GNG7: variants seen among roughly 807,000 people sequenced by gnomAD.
The protein encoded by GNG7 is G protein subunit gamma 7.
GNG7 carries 1 observed loss-of-function variant against 4.0 expected under a neutral mutation model. The ratio of observed to expected loss-of-function variants is 0.25; its 90% confidence interval spans 0.09 to 1.18. The LOEUF (loss-of-function observed/expected upper bound fraction) is 1.18. Among genes scored for constraint, GNG7 ranks in the 50% most tolerant of loss-of-function variants. The pLI is 0.50. For synonymous variants in GNG7, 34 were observed against 36.9 expected (o/e 0.92, Z 0.29); for missense variants, 86 against 91.9 (o/e 0.94, Z 0.26).
chr19:2,657,364 ATATATATAT>A lies in GNG7; in HGVS notation c.-134-11093_-134-11085del, dbSNP rs1568276414. ...AAAAAAAAAAAAAAAAAAAAAAAAT[ATATATATAT>A]ATATATATATATATATATATATATA... On this transcript the variant is annotated intron_variant, in intron 1 of 4. Transcript: ENST00000382159. 2.0e-3 allele frequency among the ~76,000 whole-genome samples: 35 copies of A among 17,426 alleles called. 4 individuals carry two copies. Among genetic ancestry groups the A allele is most frequent in the East Asian group, 0.01 (3 of 298 alleles). 11.4% of individuals were successfully genotyped at this position (17,426 alleles called of 152,430 possible). A position where few individuals can be genotyped will look rare whatever the true frequency, so the allele number is the denominator to read the frequency against.
At chr19:2,605,698 G>A (rs1981360372) in intron 2 of GNG7, among the ~76,000 whole-genome samples, 1 of 151,406 alleles carries the variant, frequency 6.6e-6, no homozygotes, top group Non-Finnish European at 1.5e-5. Context: ...ATTTTTAGTA[G>A]AGACGGGGTT....
chr19:2,563,532 T>G (rs1489687938), intron 2 of GNG7, among the ~76,000 whole-genome samples: 1 of 152,078 alleles, frequency 6.6e-6, no homozygotes, highest in African/African-American at 2.4e-5. Flanking sequence ...CAGGCTGGAG[T>G]GCAGTGGCAC....
intron 3 of GNG7, among the ~76,000 whole-genome samples, chr19:2,528,293 C>G (rs1034290761): frequency 3.9e-5 from 5 of 129,642 alleles, no homozygotes; most frequent in African/African-American, 6.0e-5. Context: ...AAAAAAAAGG[C>G]CTGGCTCAGT....
intron 1 of GNG7, among the ~76,000 whole-genome samples, chr19:2,661,670 TAAA>T (rs57483197): frequency 1.8e-5 from 2 of 108,654 alleles, no homozygotes; most frequent in African/African-American, 3.5e-5. Context: ...GAGACTCCAT[TAAA>T]AAAAAAAAAA....
At chr19:2,518,900 A>G (rs1457389357) in intron 4 of GNG7, among the ~76,000 whole-genome samples, 1 of 151,912 alleles carries the variant, frequency 6.6e-6, no homozygotes, top group Non-Finnish European at 1.5e-5. Context: ...GGTTCAAGCT[A>G]TTCTCCTGAC....
intron 1 of GNG7, among the ~76,000 whole-genome samples, chr19:2,680,453 T>C (rs1025196772): frequency 2.0e-5 from 3 of 152,160 alleles, no homozygotes; most frequent in African/African-American, 7.2e-5. Context: ...CCCAGCCACC[T>C]GTCTCTATTT....
intron 2 of GNG7, among the ~76,000 whole-genome samples, chr19:2,635,192 T>C (rs886536538): frequency 6.6e-6 from 1 of 151,986 alleles, no homozygotes; most frequent in African/African-American, 2.4e-5. Flanking sequence ...CCCAGATGAG[T>C]GAGGACAGAG....
chr19:2,701,602 C>G (rs1482961314), intron 1 of GNG7, among the ~76,000 whole-genome samples: 1 of 151,132 alleles, frequency 6.6e-6, no homozygotes, highest in African/African-American at 2.4e-5. Context: ...TCACACCCCC[C>G]CATCTTCACC....
intron 2 of GNG7, among the ~76,000 whole-genome samples, chr19:2,645,208 TTTTC>T (rs1225363049): frequency 2.6e-5 from 4 of 151,062 alleles, no homozygotes; most frequent in Admixed American, 6.6e-5. Context: ...TCTTTTCTGT[TTTTC>T]TTTCTTTCTT....
At chr19:2,577,898 G>T (rs1980391089) in intron 2 of GNG7, among the ~76,000 whole-genome samples, 1 of 148,314 alleles carries the variant, frequency 6.7e-6, no homozygotes, top group East Asian at 2.0e-4. Context: ...GGAATGCAAT[G>T]GCGCAATCAC....
At chr19:2,677,062 C>A (rs953633417) in intron 1 of GNG7, among the ~76,000 whole-genome samples, 2 of 152,138 alleles carry the variant, frequency 1.3e-5, no homozygotes, top group Non-Finnish European at 2.9e-5. Context: ...AGACCCAAAT[C>A]TGTGTCACCA....
chr19:2,585,062 A>G (rs141551991), intron 2 of GNG7, among the ~76,000 whole-genome samples: 19,106 of 78,796 alleles, frequency 0.24, 3,327 homozygotes, highest in East Asian at 0.46. Context: ...GAAGGAAGGA[A>G]GGAGGGAGGG....
At chr19:2,524,429 ATG>A (rs1299237171) in intron 3 of GNG7, among the ~76,000 whole-genome samples, 2 of 152,072 alleles carry the variant, frequency 1.3e-5, no homozygotes, top group South Asian at 2.1e-4. Context: ...GCACATGTGT[ATG>A]TGTGTGCACA....
intron 1 of GNG7, among the ~76,000 whole-genome samples, chr19:2,697,617 C>T (rs998097183): frequency 2.0e-5 from 3 of 152,192 alleles, no homozygotes; most frequent in African/African-American, 7.2e-5. Flanking sequence ...CGGGGAGAGG[C>T]GCCCGACATC....
At chr19:2,516,432 C>G (rs1972736255) in intron 4 of GNG7, among the ~76,000 whole-genome samples, 1 of 152,102 alleles carries the variant, frequency 6.6e-6, no homozygotes, top group South Asian at 2.1e-4. Flanking sequence ...GCATGTTGGC[C>G]AGGCTGGTCT....
intron 3 of GNG7, among the ~76,000 whole-genome samples, chr19:2,548,737 C>T (rs1272621143): frequency 0.039 from 5,414 of 140,446 alleles, no homozygotes; most frequent in South Asian, 0.077. Flanking sequence ...CGCAGTGAGC[C>T]AAGATCGTGC....
chr19:2,573,088 C>T (rs1192809280), intron 2 of GNG7, among the ~76,000 whole-genome samples: 1 of 143,834 alleles, frequency 7.0e-6, no homozygotes, highest in Non-Finnish European at 1.5e-5. Context: ...TGCAGTGGTG[C>T]GATCATGGCT....
At chr19:2,526,642 T>C (rs1429376043) in intron 3 of GNG7, among the ~76,000 whole-genome samples, 1 of 149,614 alleles carries the variant, frequency 6.7e-6, no homozygotes, top group African/African-American at 2.4e-5. Context: ...ATTATACACT[T>C]ATTGCATACA....
chr19:2,684,880 C>A (rs150086574), intron 1 of GNG7, among the ~76,000 whole-genome samples: 2 of 149,166 alleles, frequency 1.3e-5, no homozygotes, highest in Non-Finnish European at 3.0e-5. Flanking sequence ...TCCCAACACT[C>A]TGGGAGGCCG....
Sources: gnomAD v4.1 joint callset for allele counts (sites outside exome capture counted in the v4.1 genomes callset) on GRCh38, gnomAD v4.1.1 for gene constraint, MANE v1.5 for transcripts, NCBI Gene and HGNC (gene_info 2026-07-23, HGNC 2026-07-21) for gene names.